The following CHST8 variants were observed in gnomAD, a reference collection of about 807,000 sequenced individuals.
CHST8 encodes the protein GALNAC-4-ST1.
A neutral mutation model predicts 15.0 loss-of-function variants in CHST8; 10 were observed. The observed-to-expected ratio is 0.67, with a 90% CI of 0.41 to 1.13. The LOEUF is 1.13. Ranked by LOEUF, CHST8 falls within the 50% of genes most tolerant of loss-of-function variation. CHST8 has a pLI of 0.00. For synonymous variants in CHST8, 259 were observed against 256.6 expected, an observed-to-expected ratio of 1.01 and a Z score of -0.09; for missense variants, 634 against 608.2, an observed-to-expected ratio of 1.04 and a Z score of -0.45.
intron 3 of CHST8, among the ~76,000 whole-genome samples, chr19:33,746,770 C>G (rs1277022443): frequency 1.3e-5 from 2 of 151,918 alleles, no homozygotes; most frequent in African/African-American, 2.4e-5. Context: ...CCAGCGTCAC[C>G]TAACAAAAGA....
chr19:33,759,725 G>C (rs115001215), intron 3 of CHST8, among the ~76,000 whole-genome samples: 1 of 152,174 alleles, frequency 6.6e-6, no homozygotes, highest in Non-Finnish European at 1.5e-5. Flanking sequence ...GTCCTCCTGC[G>C]CAGGGAATAG....
chr19:33,665,692 C>T (rs947196059), intron 1 of CHST8, among the ~76,000 whole-genome samples: 7 of 152,058 alleles, frequency 4.6e-5, no homozygotes, highest in Non-Finnish European at 7.4e-5. Flanking sequence ...CCTGCTGGAC[C>T]AGGGTGAGGC....
rs758685180 is a variant in CHST8, at chr19:33,772,295, G to GAGC, written c.514_516dup (p.Ser172dup). 6,067 of 1,602,556 alleles carry GAGC rather than the reference G, an allele frequency of 3.8e-3. 20 individuals carry two copies. The highest frequency in any genetic ancestry group is 4.7e-3 in the Non-Finnish European group (5,507 of 1,179,046). On this transcript the variant is annotated inframe_insertion, in exon 5 of 5. Coordinates refer to ENST00000650847, the MANE Select transcript of CHST8 (RefSeq NM_001127895.2). ...AGGAGGCCTGCGCCAAGTACCGGGCGAGCAGCAGCCGCCGGGCCGTCACGC... is the reference window on the plus strand; with the variant it reads ...AGGAGGCCTGCGCCAAGTACCGGGCGAGCAGCAGCAGCCGCCGGGCCGTCACGC...
intron 1 of CHST8, among the ~76,000 whole-genome samples, chr19:33,628,896 G>A (rs1182492964): frequency 2.0e-5 from 3 of 152,172 alleles, no homozygotes; most frequent in African/African-American, 4.8e-5. Context: ...GCTGCCCCCT[G>A]GAGTGCTAAG....
intron 3 of CHST8, among the ~76,000 whole-genome samples, chr19:33,699,892 G>C (rs150382877): frequency 6.6e-6 from 1 of 152,166 alleles, no homozygotes; most frequent in Non-Finnish European, 1.5e-5. Context: ...GACAAATGTC[G>C]TGGGTGGGCC....
At chr19:33,650,527 T>TC (rs1972431224) in intron 1 of CHST8, among the ~76,000 whole-genome samples, 1 of 112,160 alleles carries the variant, frequency 8.9e-6, no homozygotes, top group African/African-American at 3.6e-5. Context: ...TCTTTTTTTT[T>TC]TTTTTTTTTT....
chr19:33,742,851 C>A (rs1356112888), intron 3 of CHST8, among the ~76,000 whole-genome samples: 2 of 152,154 alleles, frequency 1.3e-5, no homozygotes, highest in African/African-American at 4.8e-5. Flanking sequence ...CAAGTGTGCA[C>A]ACTTTGGTTA....
rs1972519987 is a variant in CHST8 at position 33,657,165 on chromosome 19, AT to A, written c.-163-10601del. ...CACACACACACACACACAAACACAC[AT>A]ATACTTATACACACATACACATACA... is the stretch of plus-strand genomic sequence containing the variant. On this transcript the variant is annotated intron_variant, in intron 1 of 4. Transcript: ENST00000650847. 3.3e-5 allele frequency among the ~76,000 whole-genome samples: 5 copies of A among 151,702 alleles called. No homozygotes were observed. In the South Asian group the frequency reaches 1.0e-3, roughly 32 times the overall value.
At chr19:33,625,419 G>A (rs1042025553) in intron 1 of CHST8, among the ~76,000 whole-genome samples, 1 of 152,096 alleles carries the variant, frequency 6.6e-6, no homozygotes, top group African/African-American at 2.4e-5. Flanking sequence ...AATTAGAGCC[G>A]ATAAACACCA....
chr19:33,623,527 C>A (rs1465590749), intron 1 of CHST8, among the ~76,000 whole-genome samples: 1 of 152,154 alleles, frequency 6.6e-6, no homozygotes, highest in Non-Finnish European at 1.5e-5. Context: ...GGCAGATCAA[C>A]CCCCTTTTAT....
intron 2 of CHST8, among the ~76,000 whole-genome samples, chr19:33,680,932 T>C (rs1173951066): frequency 6.6e-6 from 1 of 152,198 alleles, no homozygotes; most frequent in Non-Finnish European, 1.5e-5. Context: ...CATATACAGT[T>C]GTAAGAAATA....
At chr19:33,744,848 AAGCAATTCTCCTGCCTC>A (rs1452466030) in intron 3 of CHST8, among the ~76,000 whole-genome samples, 1 of 152,120 alleles carries the variant, frequency 6.6e-6, no homozygotes, top group Non-Finnish European at 1.5e-5. Flanking sequence ...TCCCGGGTTC[AAGCAATTCTCCTGCCTC>A]AGCCTCCCGA....
chr19:33,663,963 A>G (rs1972618213), intron 1 of CHST8, among the ~76,000 whole-genome samples: 1 of 152,246 alleles, frequency 6.6e-6, no homozygotes, highest in South Asian at 2.1e-4. Context: ...AGTGAAAAAA[A>G]GCAAACCGTA....
intron 2 of CHST8, among the ~76,000 whole-genome samples, chr19:33,669,104 C>T (rs1484736184): frequency 2.0e-5 from 3 of 152,208 alleles, no homozygotes; most frequent in Admixed American, 2.0e-4. Flanking sequence ...GCCACAGGCA[C>T]CAGTGCACTG....
At chr19:33,643,446 A>G (rs1400702709) in intron 1 of CHST8, among the ~76,000 whole-genome samples, 2 of 152,232 alleles carry the variant, frequency 1.3e-5, no homozygotes, top group Admixed American at 1.3e-4. Flanking sequence ...TTCTGGAGGC[A>G]GCCACCTATG....
At chr19:33,633,387 T>G (rs1972149180) in intron 1 of CHST8, among the ~76,000 whole-genome samples, 1 of 152,160 alleles carries the variant, frequency 6.6e-6, no homozygotes, top group Non-Finnish European at 1.5e-5. Flanking sequence ...CTTAGTGATA[T>G]GTACACATTT....
In CHST8 at chr19:33,772,780, T is replaced by TC. The variant is rs1204662063; in HGVS notation, c.993dup (p.Ser332GlnfsTer129). On this transcript the variant is annotated frameshift_variant, in exon 5 of 5. Coordinates refer to ENST00000650847, the MANE Select transcript of CHST8 (RefSeq NM_001127895.2). LOFTEE classifies it high-confidence loss of function. Reference sequence around the variant, plus strand: ...GGGATGGACATTCACTGGGACCATGTCAGCCGGCTCTGCAGCCCCTGCCTC... The same window carrying TC: ...GGGATGGACATTCACTGGGACCATGTCCAGCCGGCTCTGCAGCCCCTGCCTC... The TC allele has an allele frequency of 6.2e-7, 1 of 1,613,288 alleles. No homozygotes were observed. Among genetic ancestry groups the TC allele is most frequent in the East Asian group, 2.2e-5 (1 of 44,882 alleles).
chr19:33,627,942 T>TA (rs1211988365), intron 1 of CHST8, among the ~76,000 whole-genome samples: 4 of 152,130 alleles, frequency 2.6e-5, no homozygotes, highest in East Asian at 1.9e-4. Context: ...AAGACATTAA[T>TA]AAAAAAAATG....
chr19:33,736,479 G>A (rs1974085496), intron 3 of CHST8, among the ~76,000 whole-genome samples: 1 of 152,098 alleles, frequency 6.6e-6, no homozygotes. Flanking sequence ...TGCAGAGAAG[G>A]GATCTCTCAG....
Sources: allele counts gnomAD v4.1 joint callset (sites outside exome capture counted in the v4.1 genomes callset), GRCh38; gene constraint gnomAD v4.1.1; transcripts MANE v1.5; gene names NCBI Gene and HGNC (gene_info 2026-07-23, HGNC 2026-07-21).